The following GRAMD4 variants were observed in gnomAD, a reference collection of about 807,000 sequenced individuals.
The protein encoded by GRAMD4 is GRAM domain-containing protein 4.
A neutral mutation model predicts 83.9 loss-of-function variants in GRAMD4; 25 were observed. The ratio of observed to expected loss-of-function variants is 0.30; its 90% CI spans 0.22 to 0.42. The LOEUF (loss-of-function observed/expected upper bound fraction) is 0.42, where lower values mean the gene tolerates loss of function less well. Ranked by LOEUF, GRAMD4 falls within the 10% of genes least tolerant of loss-of-function variation. The pLI is 1.00. For synonymous variants in GRAMD4, 336 were observed against 320.9 expected, an observed-to-expected ratio of 1.05 and a Z score of -0.50; for missense variants, 593 against 788.7, an observed-to-expected ratio of 0.75 and a Z score of 2.97.
At chr22:46,639,423 AGTGT>A (rs369387616) in intron 3 of GRAMD4, among the ~76,000 whole-genome samples, 1 of 142,230 alleles carries the variant, frequency 7.0e-6, no homozygotes, top group Non-Finnish European at 1.5e-5. Flanking sequence ...TAGTTAATCC[AGTGT>A]GTGTGTGTGT....
At chr22:46,641,833 C>T (rs1230446912) in intron 3 of GRAMD4, among the ~76,000 whole-genome samples, 1 of 152,230 alleles carries the variant, frequency 6.6e-6, no homozygotes, top group Non-Finnish European at 1.5e-5. Flanking sequence ...CATTTGTTAG[C>T]CGACACATTT....
At chr22:46,618,536 TG>T (rs2081533043), upstream of GRAMD4, among the ~76,000 whole-genome samples, 1 of 151,830 alleles carries the variant, frequency 6.6e-6, no homozygotes, top group African/African-American at 2.4e-5. The surrounding 1 kb of genome is among the most constrained non-coding windows in gnomAD (Gnocchi z 5.8). Flanking sequence ...CCAGAGCTGA[TG>T]AGGGTGTCGG....
chr22:46,679,887 C>A, downstream of GRAMD4: 1 of 688,118 alleles, frequency 1.5e-6, no homozygotes, highest in Non-Finnish European at 1.8e-6. Context: ...TGCCAGCCCG[C>A]CACTCCCTGG....
chr22:46,666,050 C>T (rs1160301584), intron 9 of GRAMD4, among the ~76,000 whole-genome samples: 1 of 152,250 alleles, frequency 6.6e-6, no homozygotes, highest in Admixed American at 6.5e-5. Flanking sequence ...CGGAAGGTTC[C>T]TGCTGGCTGC....
In GRAMD4 at chr22:46,659,825, C is replaced by T. The variant is rs757806276; in HGVS notation, c.404+1518C>T. 3.3e-5 allele frequency among the ~76,000 whole-genome samples: 5 copies of T among 152,188 alleles called. No individual in the cohort carries two copies. The South Asian group carries it at 6.2e-4, about 19-fold the overall frequency. ...AGACCAGAAATGGGTGCATGGGCCTCGGCAGGCGCTTTACCTGATGCTGAA... is the reference window on the plus strand; with the variant it reads ...AGACCAGAAATGGGTGCATGGGCCTTGGCAGGCGCTTTACCTGATGCTGAA... On this transcript the variant is annotated intron_variant, in intron 4 of 18. Transcript: ENST00000406902. The surrounding 1 kb of genome is among the most constrained non-coding windows in gnomAD (Gnocchi z 4.1).
chr22:46,668,760 G>T, intron 12 of GRAMD4, 28 bp downstream of exon 12: 2 of 1,592,202 alleles, frequency 1.3e-6, no homozygotes, highest in Middle Eastern at 1.7e-4. Context: ...CCCCGGCCCT[G>T]CGGCGCCCGC....
At chr22:46,583,763 G>A (rs776093459) in intron 1 of GRAMD4, among the ~76,000 whole-genome samples, 6 of 152,056 alleles carry the variant, frequency 3.9e-5, no homozygotes, top group African/African-American at 7.3e-5. Context: ...CGCGGCTACT[G>A]GTGCTGACTT....
At position 46,674,700 on chromosome 22, in the gene GRAMD4, G is replaced by A. The variant is rs1219971206; in HGVS notation, c.1428G>A (p.Arg476=). The change falls in exon 16 of 19, where the codon CGG becomes CGA. Residue 476 remains arginine, a synonymous_variant. Transcript: ENST00000406902. ...GWRCCLINRD[R]KMPTDYIRNG... ...GCTGCTGCCTCATCAACAGGGACCG[G>A]AAGATGCCCACGGACTACATCAGGA... The A allele has an allele frequency of 6.2e-7, 1 of 1,613,200 alleles. No individual in the cohort carries two copies. The highest frequency in any genetic ancestry group is 8.5e-7 in the Non-Finnish European group (1 of 1,179,766).
chr22:46,586,974 C>T (rs1343084570), intron 1 of GRAMD4, among the ~76,000 whole-genome samples: 2 of 152,158 alleles, frequency 1.3e-5, no homozygotes, highest in African/African-American at 4.8e-5. Context: ...TGTCCCAGAA[C>T]CCACCCTCTT....
chr22:46,632,673 G>A (rs1036444783), intron 2 of GRAMD4, among the ~76,000 whole-genome samples: 3 of 152,198 alleles, frequency 2.0e-5, no homozygotes, highest in African/African-American at 7.2e-5. Context: ...GAGACCCCTT[G>A]TTCATTGGTG....
intron 2 of GRAMD4, among the ~76,000 whole-genome samples, chr22:46,630,385 A>T (rs1352903417): frequency 6.6e-6 from 1 of 152,114 alleles, no homozygotes; most frequent in Non-Finnish European, 1.5e-5. Flanking sequence ...TTGGACTGTG[A>T]TGAATGAGGC....
At chr22:46,652,393 G>A (rs1471057925) in intron 3 of GRAMD4, among the ~76,000 whole-genome samples, 1 of 152,216 alleles carries the variant, frequency 6.6e-6, no homozygotes, top group African/African-American at 2.4e-5. Flanking sequence ...GAACAGCCCT[G>A]CCCACGCCAT....
chr22:46,643,163 C>T (rs773355882), intron 3 of GRAMD4, among the ~76,000 whole-genome samples: 8 of 121,172 alleles, frequency 6.6e-5, no homozygotes, highest in African/African-American at 1.1e-4. Flanking sequence ...ATCCATCCAT[C>T]CATCCATCCA....
intron 4 of GRAMD4, among the ~76,000 whole-genome samples, chr22:46,658,713 C>G (rs1428302117): frequency 6.6e-6 from 1 of 152,084 alleles, no homozygotes; most frequent in Non-Finnish European, 1.5e-5. Flanking sequence ...GGGGCCAGCC[C>G]GGCCTCTTAG....
chr22:46,596,197 G>A (rs1160514442), intron 1 of GRAMD4, among the ~76,000 whole-genome samples: 2 of 152,258 alleles, frequency 1.3e-5, no homozygotes, highest in Admixed American at 1.3e-4. Context: ...GCTGTGCCCA[G>A]CCCCCTGCTT....
chr22:46,603,617 C>T (rs1601543672), intron 1 of GRAMD4, among the ~76,000 whole-genome samples: 1 of 150,196 alleles, frequency 6.7e-6, no homozygotes, highest in African/African-American at 2.5e-5. Flanking sequence ...TCCGGGTTCA[C>T]GCCATTCTCC....
intron 1 of GRAMD4, among the ~76,000 whole-genome samples, chr22:46,608,933 G>T (rs1348862081): frequency 6.6e-6 from 1 of 152,072 alleles, no homozygotes; most frequent in African/African-American, 2.4e-5. Flanking sequence ...TCACTGGGCA[G>T]TGGCACGTGC....
intron 1 of GRAMD4, among the ~76,000 whole-genome samples, chr22:46,584,047 G>A (rs1243938757): frequency 6.6e-6 from 1 of 152,140 alleles, no homozygotes; most frequent in Non-Finnish European, 1.5e-5. Context: ...CTAGGTCAAT[G>A]CGGAATGCCA....
At chr22:46,639,398 G>A (rs139377774) in intron 3 of GRAMD4, among the ~76,000 whole-genome samples, 112 of 150,216 alleles carry the variant, frequency 7.5e-4, no homozygotes, top group Non-Finnish European at 1.4e-3. Flanking sequence ...TTGTGTGTGC[G>A]CATGTGTGCA....
Sources: allele counts gnomAD v4.1 joint callset (sites outside exome capture counted in the v4.1 genomes callset), GRCh38; gene constraint gnomAD v4.1.1; non-coding constraint Gnocchi (gnomAD v3.1); transcripts MANE v1.5; gene names NCBI Gene and HGNC (gene_info 2026-07-23, HGNC 2026-07-21).